Variants in PDGFD observed in about 807,000 individuals in gnomAD.
The protein encoded by PDGFD is platelet-derived growth factor D.
Under a neutral mutation model 44.7 loss-of-function variants are expected in PDGFD, and 30 were observed. The ratio of observed to expected loss-of-function variants is 0.67; its 90% CI spans 0.50 to 0.91. PDGFD has a LOEUF of 0.91. PDGFD is among the 40% of genes least tolerant of loss of function. The probability of loss-of-function intolerance (pLI) is 0.00; values close to 1 mark genes in which losing one functional copy is unlikely to be tolerated. For synonymous variants in PDGFD, 173 were observed against 168.4 expected (o/e 1.03, Z -0.21); for missense variants, 445 against 457.8 (o/e 0.97, Z 0.25).
rs143468518 is a variant in PDGFD, at chr11:104,037,505, A to C, written c.125-37250T>G. On this transcript the variant is annotated intron_variant, in intron 1 of 6. Coordinates refer to ENST00000393158, the MANE Select transcript of PDGFD (RefSeq NM_025208.5). ...CAGCAAAACATTGAAGAAAACATGA[A>C]TATAGCGATAGAAGAGGCCCCCGAG... The C allele has an allele frequency of 3.1e-3, 4,994 of 1,614,110 alleles. 11 individuals are homozygous for C. The highest frequency in any genetic ancestry group is 3.5e-3 in the Non-Finnish European group (4,161 of 1,180,030).
intron 5 of PDGFD, among the ~76,000 whole-genome samples, chr11:103,935,976 G>A (rs1403863372): frequency 1.3e-5 from 2 of 152,002 alleles, no homozygotes; most frequent in East Asian, 1.9e-4. Flanking sequence ...CCATTGCAAC[G>A]TCCTTCTTTC....
intron 3 of PDGFD, among the ~76,000 whole-genome samples, chr11:103,968,613 C>G (rs1859054549): frequency 6.6e-6 from 1 of 152,148 alleles, no homozygotes; most frequent in Non-Finnish European, 1.5e-5. Flanking sequence ...CTAGTCTATG[C>G]TTCAATTCAA....
chr11:103,955,163 C>CAAAAAAAAAAA (rs539890054), intron 3 of PDGFD, among the ~76,000 whole-genome samples: 1 of 58,410 alleles, frequency 1.7e-5, no homozygotes, highest in Non-Finnish European at 3.0e-5. Flanking sequence ...GACTCCGTCT[C>CAAAAAAAAAAA]AAAAAAAAAA....
intron 1 of PDGFD, among the ~76,000 whole-genome samples, chr11:104,106,199 G>A (rs1346486779): frequency 1.3e-5 from 2 of 152,110 alleles, no homozygotes; most frequent in Non-Finnish European, 2.9e-5. Flanking sequence ...CTCCACGCAC[G>A]ATAGTTGTAA....
chr11:104,107,203 C>A (rs142011177), intron 1 of PDGFD, among the ~76,000 whole-genome samples: 1 of 152,050 alleles, frequency 6.6e-6, no homozygotes, highest in African/African-American at 2.4e-5. Flanking sequence ...CCAAAGAGAC[C>A]GAATCACATG....
At chr11:104,093,112 G>T (rs1452609103) in intron 1 of PDGFD, among the ~76,000 whole-genome samples, 2 of 152,064 alleles carry the variant, frequency 1.3e-5, no homozygotes, top group African/African-American at 4.8e-5. Flanking sequence ...TTTTCAACTA[G>T]CTGAAACCTA....
intron 3 of PDGFD, among the ~76,000 whole-genome samples, chr11:103,955,163 C>CAAAAAAAAAAAAA (rs539890054): frequency 1.7e-5 from 1 of 58,412 alleles, no homozygotes; most frequent in Non-Finnish European, 3.0e-5. Flanking sequence ...GACTCCGTCT[C>CAAAAAAAAAAAAA]AAAAAAAAAA....
At chr11:104,108,449 A>T (rs943806277) in intron 1 of PDGFD, among the ~76,000 whole-genome samples, 1 of 152,218 alleles carries the variant, frequency 6.6e-6, no homozygotes, top group Non-Finnish European at 1.5e-5. Flanking sequence ...CACATGAAAA[A>T]ATGCTCATCA....
At chr11:104,048,382 T>A (rs1860475843) in intron 1 of PDGFD, among the ~76,000 whole-genome samples, 1 of 152,056 alleles carries the variant, frequency 6.6e-6, no homozygotes, top group Admixed American at 6.6e-5. Flanking sequence ...CATTCATTTA[T>A]TTTTCTACTC....
chr11:103,987,678 G>C (rs748371029), intron 3 of PDGFD, among the ~76,000 whole-genome samples: 7 of 152,068 alleles, frequency 4.6e-5, no homozygotes, highest in Non-Finnish European at 1.0e-4. Context: ...AGTCCTTTTG[G>C]CTTCTTGTAT....
chr11:104,077,136 T>C (rs1429325299), intron 1 of PDGFD, among the ~76,000 whole-genome samples: 1 of 152,154 alleles, frequency 6.6e-6, no homozygotes, highest in Non-Finnish European at 1.5e-5. Flanking sequence ...CCACACACTG[T>C]TCAGTGTCAC....
At chr11:103,932,056 C>A (rs376595827) in intron 5 of PDGFD, among the ~76,000 whole-genome samples, 16 of 152,328 alleles carry the variant, frequency 1.1e-4, no homozygotes, top group African/African-American at 3.6e-4. Context: ...GGCATATTCA[C>A]TCTACATCTC....
At chr11:104,062,026 T>C (rs1446573213) in intron 1 of PDGFD, among the ~76,000 whole-genome samples, 1 of 152,246 alleles carries the variant, frequency 6.6e-6, no homozygotes, top group Non-Finnish European at 1.5e-5. Context: ...TATTCTCGTT[T>C]TTCTCACGTT....
In PDGFD at chr11:103,958,687, CA is replaced by C. The variant is rs533834210; in HGVS notation, c.511-10964del. On this transcript the variant is annotated intron_variant, in intron 3 of 6. Transcript: ENST00000393158. ...ATACTGTTTCATGCTCAGAATTCAA[CA>C]AACCATTTCACGCCTCTGTGCTGAA... Among the ~76,000 whole-genome samples, 13 of 152,242 alleles carry C rather than the reference CA, an allele frequency of 8.5e-5. No homozygotes were observed. In the East Asian group the frequency reaches 2.3e-3, roughly 27 times the overall value.
intron 1 of PDGFD, among the ~76,000 whole-genome samples, chr11:104,096,241 CAA>C (rs11373323): frequency 6.6e-6 from 1 of 150,554 alleles, no homozygotes; most frequent in Non-Finnish European, 1.5e-5. Flanking sequence ...ATTTTTCCTG[CAA>C]AAAAAAACTA....
chr11:104,034,900 C>A (rs1860197541), intron 1 of PDGFD, among the ~76,000 whole-genome samples: 2 of 152,132 alleles, frequency 1.3e-5, no homozygotes, highest in African/African-American at 4.8e-5. Flanking sequence ...CCCTGGCCTC[C>A]CAAACTGCTG....
intron 5 of PDGFD, among the ~76,000 whole-genome samples, chr11:103,939,764 G>T (rs1858554072): frequency 6.6e-6 from 1 of 151,994 alleles, no homozygotes; most frequent in Non-Finnish European, 1.5e-5. Flanking sequence ...TTAAAATACT[G>T]ATTTTTAAAA....
chr11:103,975,828 G>T (rs1818302051), intron 3 of PDGFD, among the ~76,000 whole-genome samples: 1 of 151,860 alleles, frequency 6.6e-6, no homozygotes, highest in Non-Finnish European at 1.5e-5. Flanking sequence ...TTTTTCTGGG[G>T]CCTCTGTTCT....
chr11:104,131,000 G>T (rs1861911486), intron 1 of PDGFD, among the ~76,000 whole-genome samples: 1 of 152,110 alleles, frequency 6.6e-6, no homozygotes, highest in South Asian at 2.1e-4. Context: ...TTAATTATAA[G>T]TGCTCTTTTG....
Sources: gnomAD v4.1 joint callset for allele counts (sites outside exome capture counted in the v4.1 genomes callset) on GRCh38, gnomAD v4.1.1 for gene constraint, MANE v1.5 for transcripts, NCBI Gene and HGNC (gene_info 2026-07-23, HGNC 2026-07-21) for gene names.